CDKL2: variants seen among roughly 807,000 people sequenced by gnomAD.
CDKL2 encodes the protein cyclin dependent kinase like 2, also known as cyclin-dependent kinase-like 2.
In CDKL2, 64 loss-of-function variants were observed where a neutral mutation model predicts 63.9. The observed-to-expected ratio is 1.00, with a 90% confidence interval of 0.82 to 1.23. The LOEUF (loss-of-function observed/expected upper bound fraction) is 1.23. CDKL2 is among the 50% of genes most tolerant of loss of function. The pLI, the probability that CDKL2 is intolerant of heterozygous loss-of-function variation, is 0.00. For missense variants in CDKL2, 656 were observed against 668.0 expected, an observed-to-expected ratio of 0.98 and a Z score of 0.20; for synonymous variants, 211 against 229.2, an observed-to-expected ratio of 0.92 and a Z score of 0.72.
chr4:75,626,904 A>T, intron 1 of CDKL2, among the ~76,000 whole-genome samples: 1 of 151,584 alleles, frequency 6.6e-6, no homozygotes, highest in South Asian at 2.1e-4. Context: ...AAAACAAAAC[A>T]AATAAACAAA....
Position 75,607,340 on chromosome 4 carries a change from G to T in CDKL2, c.385C>A (p.Pro129Thr). 1 of 1,613,428 alleles carries T rather than the reference G, an allele frequency of 6.2e-7. No individual in the cohort carries two copies. Among genetic ancestry groups the T allele is most frequent in the African/African-American group, 1.3e-5 (1 of 74,982 alleles). ...GACTGGGAGACTAATATATTCTCTG[G>T]CTTTATATCTCTGTGTATGATCTAG... ...SHNIIHRDIKPENILVSQSGV... is the reference protein window; with the variant it reads ...SHNIIHRDIKTENILVSQSGV... The change falls in exon 4 of 14, where the codon CCA becomes ACA. Residue 129 changes from proline to threonine, a missense_variant. Coordinates refer to ENST00000307465, the MANE Select transcript of CDKL2 (RefSeq NM_001330724.2).
intron 6 of CDKL2, among the ~76,000 whole-genome samples, chr4:75,601,964 T>C (rs1729206756): frequency 6.6e-6 from 1 of 152,176 alleles, no homozygotes; most frequent in Non-Finnish European, 1.5e-5. Flanking sequence ...GATGAGAACT[T>C]TTTGAGCTAA....
At chr4:75,585,699 T>C (rs1223148836) in intron 12 of CDKL2, among the ~76,000 whole-genome samples, 1 of 152,122 alleles carries the variant, frequency 6.6e-6, no homozygotes, top group Non-Finnish European at 1.5e-5. Context: ...TGTGGGTGGA[T>C]CACTTGAGTT....
chr4:75,607,844 G>C (rs7662624), intron 3 of CDKL2, among the ~76,000 whole-genome samples: 146 of 152,066 alleles, frequency 9.6e-4, no homozygotes, highest in Middle Eastern at 3.4e-3. Flanking sequence ...ACGGAGTCTC[G>C]CTCTGTCACC....
At chr4:75,627,760 G>A (rs1355026785) in intron 1 of CDKL2, among the ~76,000 whole-genome samples, 1 of 110,390 alleles carries the variant, frequency 9.1e-6, no homozygotes, top group East Asian at 2.8e-4. Flanking sequence ...TTGAAACGGA[G>A]TCTCGTGCAC....
rs559965876 is a variant in CDKL2 at position 75,600,387 on chromosome 4, C to G, written c.796-18G>C. On this transcript the variant is annotated intron_variant, in intron 6 of 13. Transcript: ENST00000307465. ...AAGCATTTCTGAAAAATTAAGAACA[C>G]TTAGAGTTCATATCAAGAAAAACTA... 110 of 1,510,448 alleles carry G rather than the reference C, an allele frequency of 7.3e-5. 5 individuals carry two copies. In the South Asian group the frequency reaches 1.1e-3, roughly 16 times the overall value. 93.6% of individuals were successfully genotyped at this position (1,510,448 alleles called of 1,614,324 possible). A position where few individuals can be genotyped will look rare whatever the true frequency, so the allele number is the denominator to read the frequency against.
chr4:75,596,824 A>T (rs1293737237), intron 9 of CDKL2, 111 bp downstream of exon 9: 1 of 904,488 alleles, frequency 1.1e-6, no homozygotes, highest in Non-Finnish European at 1.7e-6. Context: ...GACAAGAATG[A>T]ATAGCATCCA....
chr4:75,621,764 G>A (rs1449520241), intron 2 of CDKL2, among the ~76,000 whole-genome samples: 4 of 152,058 alleles, frequency 2.6e-5, no homozygotes, highest in Admixed American at 2.0e-4. Context: ...AAAATGAATA[G>A]AATTTCTTAT....
chr4:75,596,284 G>C lies in CDKL2; in HGVS notation c.1379C>G (p.Ser460Cys). 1 of 1,612,022 alleles carries C rather than the reference G, an allele frequency of 6.2e-7. No homozygotes were observed. Among genetic ancestry groups the C allele is most frequent in the Non-Finnish European group, 8.5e-7 (1 of 1,178,170 alleles). The change falls in exon 10 of 14, where the codon TCC becomes TGC. Residue 460 changes from serine to cysteine, a missense_variant. Coordinates refer to ENST00000307465, the MANE Select transcript of CDKL2 (RefSeq NM_001330724.2). ...ATTAATGTTATAAATGCCTGATGGG[G>C]AATGTCTGTTCGGTTTAACAAATGG... is the stretch of plus-strand genomic sequence containing the variant. ...SIPFVKPNRH[S>C]PSGIYNINVT...
rs931227154 is a variant in CDKL2, at chr4:75,578,224, C to G, written c.*978G>C. On this transcript the variant is annotated 3_prime_UTR_variant, in exon 14 of 14. Coordinates refer to ENST00000307465, the MANE Select transcript of CDKL2 (RefSeq NM_001330724.2). Reference sequence around the variant, plus strand: ...TTTGAGACGGCCTGAGTGTTTGAGGCCACAAGGAGACAGGAACTTCTCTGG... The same window carrying G: ...TTTGAGACGGCCTGAGTGTTTGAGGGCACAAGGAGACAGGAACTTCTCTGG... 1 of 152,132 alleles carries G rather than the reference C, an allele frequency of 6.6e-6. No individual in the cohort carries two copies. The highest frequency in any genetic ancestry group is 6.6e-5 in the Admixed American group (1 of 15,264). The allele number at this position is 152,132 out of a possible 1,614,324, so 9.4% of individuals were successfully genotyped here. A position where few individuals can be genotyped will look rare whatever the true frequency, so the allele number is the denominator to read the frequency against.
intron 12 of CDKL2, among the ~76,000 whole-genome samples, chr4:75,590,913 C>A (rs1173827502): frequency 6.6e-6 from 1 of 152,054 alleles, no homozygotes. Flanking sequence ...ATGTCCATAG[C>A]CAAAGTTTGT....
chr4:75,601,557 T>C (rs1056678551), intron 6 of CDKL2, among the ~76,000 whole-genome samples: 1 of 152,150 alleles, frequency 6.6e-6, no homozygotes, highest in Admixed American at 6.5e-5. Context: ...AGGTTGATAA[T>C]TGTGGAAACT....
In CDKL2 at chr4:75,587,138, C is replaced by T. The variant is rs151097152; in HGVS notation, c.1647+4681G>A. The stretch of plus-strand genomic sequence containing the variant: ...GTAAAAATAAATAAGGAATAATCAT[C>T]ACAGTCCTTACAGATATTAAAAGGA... On this transcript the variant is annotated intron_variant, in intron 12 of 13. Coordinates refer to ENST00000307465, the MANE Select transcript of CDKL2 (RefSeq NM_001330724.2). 6.9e-4 allele frequency among the ~76,000 whole-genome samples: 105 copies of T among 152,306 alleles called. 1 individual carries two copies. The highest frequency in any genetic ancestry group is 2.5e-3 in the African/African-American group (103 of 41,578).
At chr4:75,604,473 A>G (rs574351827) in intron 5 of CDKL2, among the ~76,000 whole-genome samples, 76 of 152,372 alleles carry the variant, frequency 5.0e-4, no homozygotes, top group Non-Finnish European at 7.3e-4. Context: ...CAAATCAAAT[A>G]GTTAAATTAC....
chr4:75,587,390 G>T (rs1357436168), intron 12 of CDKL2, among the ~76,000 whole-genome samples: 2 of 152,032 alleles, frequency 1.3e-5, no homozygotes, highest in Non-Finnish European at 2.9e-5. Flanking sequence ...GGAGGTAGAG[G>T]TTGCAGCGAG....
chr4:75,628,259 G>A (rs1730523561), intron 1 of CDKL2, among the ~76,000 whole-genome samples: 2 of 151,900 alleles, frequency 1.3e-5, no homozygotes, highest in Admixed American at 6.6e-5. Context: ...GGGACTACAG[G>A]CGCCTGCCAC....
intron 8 of CDKL2, 49 bp from the exon 9 acceptor site, chr4:75,597,285 A>G (rs1376615506): frequency 8.6e-7 from 1 of 1,169,276 alleles, no homozygotes; most frequent in South Asian, 1.4e-5. Context: ...GAAGAGAATG[A>G]AAATTTACCT....
chr4:75,578,075 A>C lies in CDKL2; in HGVS notation c.*1127T>G, dbSNP rs1307086675. 2 of 152,180 alleles carry C rather than the reference A, an allele frequency of 1.3e-5. No homozygotes were observed. Among genetic ancestry groups the C allele is most frequent in the African/African-American group, 4.8e-5 (2 of 41,436 alleles). 9.4% of individuals were successfully genotyped at this position (152,180 alleles called of 1,614,324 possible). A position where few individuals can be genotyped will look rare whatever the true frequency, so the allele number is the denominator to read the frequency against. On this transcript the variant is annotated 3_prime_UTR_variant, in exon 14 of 14. Coordinates refer to ENST00000307465, the MANE Select transcript of CDKL2 (RefSeq NM_001330724.2). ...ATGATAAATGCAGAGCATGTGTAGA[A>C]ACCCAGAAATCAAGAACCTGTAGCC...
At position 75,625,976 on chromosome 4, in the gene CDKL2, C is replaced by T; in HGVS notation, c.13G>A (p.Glu5Lys). 1 of 1,605,710 alleles carries T rather than the reference C, an allele frequency of 6.2e-7. No homozygotes were observed. The highest frequency in any genetic ancestry group is 1.3e-5 in the African/African-American group (1 of 74,480). Residue 5 changes from glutamate (E) to lysine (K), a missense_variant, in exon 2 of 14, where the codon GAA becomes AAA. Physicochemically the swap from Glu to Lys is moderately conservative, Grantham distance 56 (BLOSUM62 1). Transcript: ENST00000307465. MEKY[E>K]NLGLVGEGSY... The stretch of plus-strand genomic sequence containing the variant: ...CCTTCTCCAACCAAACCCAGGTTTT[C>T]ATATTTTTCCATTTTAATTTAAAGT...
Sources: allele counts gnomAD v4.1 joint callset (sites outside exome capture counted in the v4.1 genomes callset), GRCh38; gene constraint gnomAD v4.1.1; transcripts MANE v1.5; gene names NCBI Gene and HGNC (gene_info 2026-07-23, HGNC 2026-07-21).